The following TAF3 variants were observed in gnomAD, a reference collection of about 807,000 sequenced individuals.
TAF3 encodes the protein transcription initiation factor TFIID subunit 3.
Under a neutral mutation model 80.6 loss-of-function variants are expected in TAF3, and 7 were observed. The observed-to-expected ratio is 0.09, with a 90% CI of 0.05 to 0.16. The LOEUF is 0.16. Ranked by LOEUF, TAF3 falls within the 10% of genes least tolerant of loss-of-function variation. The probability of loss-of-function intolerance (pLI) is 1.00; values close to 1 mark genes in which losing one functional copy is unlikely to be tolerated. For missense variants in TAF3, 921 were observed against 1,140.2 expected (o/e 0.81, Z 2.77); for synonymous variants, 444 against 446.1 (o/e 1.00, Z 0.06).
chr10:7,829,590 C>G (rs1239327592), intron 2 of TAF3, among the ~76,000 whole-genome samples: 2 of 152,092 alleles, frequency 1.3e-5, no homozygotes, highest in Non-Finnish European at 2.9e-5. Context: ...GTTATGAGAT[C>G]TTGGGGAGAA....
At chr10:7,991,218 C>T (rs1324266998) in intron 4 of TAF3, among the ~76,000 whole-genome samples, 2 of 151,882 alleles carry the variant, frequency 1.3e-5, no homozygotes, top group African/African-American at 2.4e-5. Flanking sequence ...CATACACATC[C>T]GTATGCATGT....
rs945156365 is a variant in TAF3 at position 8,009,712 on chromosome 10, C to G, written c.2568+382C>G. On this transcript the variant is annotated intron_variant, in intron 5 of 6. Coordinates refer to ENST00000344293, the MANE Select transcript of TAF3 (RefSeq NM_031923.4). This position sits in a 1 kb window ranked among gnomAD's most constrained non-coding sequence, Gnocchi z 4.1. ...TCTCAGCTCACTGCAACCTCCACCT[C>G]CCAGGTTCAAGCGATTCTCCTGCCT... Among the ~76,000 whole-genome samples the G allele has an allele frequency of 4.9e-4, 75 of 152,106 alleles. No individual in the cohort carries two copies. The highest frequency in any genetic ancestry group is 1.8e-3 in the African/African-American group (73 of 41,502).
chr10:7,966,857 C>A (rs573326313), intron 3 of TAF3, among the ~76,000 whole-genome samples: 1 of 152,148 alleles, frequency 6.6e-6, no homozygotes, highest in African/African-American at 2.4e-5. Flanking sequence ...CTTTGGCTAT[C>A]CTAAAATATA....
intron 4 of TAF3, among the ~76,000 whole-genome samples, chr10:7,987,649 A>T (rs1479147634): frequency 3.9e-5 from 6 of 152,236 alleles, no homozygotes; most frequent in African/African-American, 1.4e-4. Context: ...AATTCTCACC[A>T]GCCGTACATG....
chr10:7,905,552 G>C (rs1283831043), intron 2 of TAF3, among the ~76,000 whole-genome samples: 1 of 152,044 alleles, frequency 6.6e-6, no homozygotes, highest in Non-Finnish European at 1.5e-5. Flanking sequence ...TGCAAGTCAT[G>C]GGCTAAAAAC....
intron 1 of TAF3, 59 bp downstream of exon 1, chr10:7,818,934 C>A: frequency 2.2e-6 from 3 of 1,339,236 alleles, no homozygotes; most frequent in Non-Finnish European, 2.9e-6. Flanking sequence ...GACACCTTCG[C>A]TCTCCCTGTC....
intron 2 of TAF3, among the ~76,000 whole-genome samples, chr10:7,904,395 C>A (rs1003764052): frequency 6.6e-5 from 10 of 152,132 alleles, no homozygotes; most frequent in Admixed American, 5.9e-4. Flanking sequence ...TTCTTTAAGG[C>A]CTGTCACCCC....
At chr10:7,912,142 A>G (rs907473887) in intron 2 of TAF3, among the ~76,000 whole-genome samples, 1 of 152,246 alleles carries the variant, frequency 6.6e-6, no homozygotes, top group Admixed American at 6.5e-5. Context: ...ATGTCTTTGA[A>G]TAGTTGAAAT....
At chr10:7,878,805 T>A (rs1837333866) in intron 2 of TAF3, among the ~76,000 whole-genome samples, 1 of 152,120 alleles carries the variant, frequency 6.6e-6, no homozygotes, top group Non-Finnish European at 1.5e-5. Flanking sequence ...TGGGGCTCAC[T>A]GCAACCTTTG....
intron 3 of TAF3, among the ~76,000 whole-genome samples, chr10:7,965,994 C>A (rs561620318): frequency 6.6e-6 from 1 of 152,048 alleles, no homozygotes; most frequent in South Asian, 2.1e-4. Context: ...TATAAACTCT[C>A]TATTAGCTAT....
chr10:7,967,715 C>T (rs1054336892), intron 3 of TAF3, among the ~76,000 whole-genome samples: 3 of 152,068 alleles, frequency 2.0e-5, no homozygotes, highest in Admixed American at 1.3e-4. Context: ...TGCTTAGTAC[C>T]GTATCTGACG....
Position 8,009,975 on chromosome 10 carries a change from G to C in TAF3, c.2568+645G>C, listed in dbSNP as rs183085153. 8.6e-4 allele frequency among the ~76,000 whole-genome samples: 130 copies of C among 151,458 alleles called. No individual in the cohort carries two copies. Among genetic ancestry groups the C allele is most frequent in the African/African-American group, 2.9e-3 (120 of 41,212 alleles). On this transcript the variant is annotated intron_variant, in intron 5 of 6. Transcript: ENST00000344293. This position sits in a 1 kb window ranked among gnomAD's most constrained non-coding sequence, Gnocchi z 4.1. ...CACCGAGGCTGGAGTGCAGTGGTAC[G>C]ATCTCGGCTCACTGCAGCCCCTGCC... is the stretch of plus-strand genomic sequence containing the variant.
intron 2 of TAF3, among the ~76,000 whole-genome samples, chr10:7,943,346 C>T (rs532895404): frequency 6.6e-6 from 1 of 152,100 alleles, no homozygotes; most frequent in Non-Finnish European, 1.5e-5. Context: ...TTTCCTAGTT[C>T]GTAAGTTTTT....
chr10:7,964,400 G>C lies in TAF3; in HGVS notation c.890G>C (p.Ser297Thr). ...GCCCAGTCACCAGCAATGGTCGGAA[G>C]TCCTATTCGATCACCAAAAACTGTA... is the stretch of plus-strand genomic sequence containing the variant. ...KTAQSPAMVG[S>T]PIRSPKTVSK... Residue 297 changes from serine (S) to threonine (T), a missense_variant, in exon 3 of 7, where the codon AGT becomes ACT. Transcript: ENST00000344293. This position sits in a 1 kb window ranked among gnomAD's most constrained non-coding sequence, Gnocchi z 4.1. 1 of 1,614,046 alleles carries C rather than the reference G, an allele frequency of 6.2e-7. No individual in the cohort carries two copies. Among genetic ancestry groups the C allele is most frequent in the South Asian group, 1.1e-5 (1 of 91,084 alleles).
chr10:7,977,165 T>G, intron 3 of TAF3, 76 bp from the exon 4 acceptor site: 1 of 1,366,194 alleles, frequency 7.3e-7, no homozygotes, highest in Non-Finnish European at 1.0e-6. Flanking sequence ...TTTGTGAGAG[T>G]GGGAGAGTAG....
intron 2 of TAF3, among the ~76,000 whole-genome samples, chr10:7,831,069 G>A (rs1218233298): frequency 1.3e-5 from 2 of 152,044 alleles, no homozygotes; most frequent in Non-Finnish European, 2.9e-5. Flanking sequence ...ATTCATTAGG[G>A]GTTACAAAGT....
At chr10:7,866,269 G>C (rs1052468552) in intron 2 of TAF3, among the ~76,000 whole-genome samples, 1 of 152,186 alleles carries the variant, frequency 6.6e-6, no homozygotes, top group East Asian at 1.9e-4. Flanking sequence ...AAATAGGCAG[G>C]CTCTGCTTCC....
intron 2 of TAF3, among the ~76,000 whole-genome samples, chr10:7,833,366 T>C (rs1056141048): frequency 1.2e-4 from 18 of 152,198 alleles, no homozygotes; most frequent in African/African-American, 4.3e-4. Flanking sequence ...CTAACACTTG[T>C]TACCTTTCAT....
intron 2 of TAF3, among the ~76,000 whole-genome samples, chr10:7,862,229 C>G (rs1407461989): frequency 1.3e-5 from 2 of 152,134 alleles, no homozygotes; most frequent in African/African-American, 4.8e-5. Flanking sequence ...TAGTGATGGT[C>G]TCATTTGATT....
Sources: gnomAD v4.1 joint callset for allele counts (sites outside exome capture counted in the v4.1 genomes callset) on GRCh38, gnomAD v4.1.1 for gene constraint, Gnocchi (gnomAD v3.1) non-coding constraint, MANE v1.5 for transcripts, NCBI Gene and HGNC (gene_info 2026-07-23, HGNC 2026-07-21) for gene names.